Variants in GPR75 observed in about 807,000 individuals in gnomAD.
The protein encoded by GPR75 is G protein-coupled receptor 75, also known as probable G protein-coupled receptor 75.
Under a neutral mutation model 26.0 loss-of-function variants are expected in GPR75, and 27 were observed. That is an observed-to-expected ratio of 1.04 (90% CI 0.77 to 1.43). The LOEUF (loss-of-function observed/expected upper bound fraction) is 1.43. Ranked by LOEUF, GPR75 falls within the 40% of genes most tolerant of loss-of-function variation. The pLI, the probability that GPR75 is intolerant of heterozygous loss-of-function variation, is 0.00. For missense variants in GPR75, 699 were observed against 662.3 expected (o/e 1.06, Z -0.61); for synonymous variants, 285 against 256.3 (o/e 1.11, Z -1.07).
At position 53,853,557 on chromosome 2, in the gene GPR75, G is replaced by A. The variant is rs1678146303; in HGVS notation, c.1200C>T (p.Cys400=). ...CLQYIGLGFF[C]CKQKTRLRAM... is the part of the protein sequence containing the mutation. ...CTCGAAGTCGAGTCTTTTGTTTGCA[G>A]CAGAAAAAACCCAGGCCTATGTATT... The change falls in exon 2 of 2, where the codon TGC becomes TGT. Residue 400 remains cysteine (C), a synonymous_variant. Coordinates refer to ENST00000394705, the MANE Select transcript of GPR75 (RefSeq NM_006794.4). 2.5e-6 allele frequency: 4 copies of A among 1,614,006 alleles called. No homozygotes were observed. In the South Asian group the frequency reaches 3.3e-5, roughly 13 times the overall value.
Position 53,853,019 on chromosome 2 carries a change from A to C in GPR75, c.*115T>G. On this transcript the variant is annotated 3_prime_UTR_variant, in exon 2 of 2. Coordinates refer to ENST00000394705, the MANE Select transcript of GPR75 (RefSeq NM_006794.4). ...CAGATGAAAGAAAACCATAACTGCC[A>C]ACTTTTCAGTTGAATCTTGTAGGTT... 6.9e-6 allele frequency: 5 copies of C among 729,300 alleles called. No individual in the cohort carries two copies. 45.2% of individuals were successfully genotyped at this position (729,300 alleles called of 1,614,324 possible).
At chr2:53,855,772 TAACA>T (rs1322775737) in intron 1 of GPR75, among the ~76,000 whole-genome samples, 3 of 152,312 alleles carry the variant, frequency 2.0e-5, no homozygotes, top group Admixed American at 1.3e-4. Context: ...CATAAATCAT[TAACA>T]AACCCTGTTT....
At position 53,854,643 on chromosome 2, in the gene GPR75, G is replaced by A. The variant is rs766343502; in HGVS notation, c.114C>T (p.His38=). The A allele has an allele frequency of 1.2e-6, 2 of 1,614,120 alleles. No individual in the cohort carries two copies. The highest frequency in any genetic ancestry group is 1.7e-5 in the Admixed American group (1 of 60,022). The change falls in exon 2 of 2, where the codon CAC becomes CAT. Residue 38 remains histidine, a synonymous_variant. Coordinates refer to ENST00000394705, the MANE Select transcript of GPR75 (RefSeq NM_006794.4). The stretch of plus-strand genomic sequence containing the variant: ...AAGTACAGGTCACCAAGGTGGCTGT[G>A]TGGATGAGATCCTGAAGACCCTCCT... ...SLQEGLQDLI[H]TATLVTCTFL...
At chr2:53,858,143 T>C (rs116264572) in intron 1 of GPR75, among the ~76,000 whole-genome samples, 1 of 152,282 alleles carries the variant, frequency 6.6e-6, no homozygotes, top group African/African-American at 2.4e-5. Flanking sequence ...AAGCAGTTGC[T>C]CTTCCACACT....
At position 53,853,749 on chromosome 2, in the gene GPR75, T is replaced by A. The variant is rs776541164; in HGVS notation, c.1008A>T (p.Pro336=). ...IVLSVLVCCL[P]LGISLVQVVL... The stretch of plus-strand genomic sequence containing the variant: ...CCACCTGTACCAAGGAAATCCCCAG[T>A]GGAAGACAGCACACCAGGACTGACA... Residue 336 remains proline, a synonymous_variant, in exon 2 of 2, where the codon CCA becomes CCT. Transcript: ENST00000394705. 2 of 1,614,146 alleles carry A rather than the reference T, an allele frequency of 1.2e-6. No homozygotes were observed. Among genetic ancestry groups the A allele is most frequent in the Admixed American group, 3.3e-5 (2 of 60,004 alleles).
chr2:53,859,592 G>C (rs1678321168), intron 1 of GPR75, among the ~76,000 whole-genome samples: 1 of 143,250 alleles, frequency 7.0e-6, no homozygotes, highest in Non-Finnish European at 1.5e-5. Context: ...GGGTTAGGAG[G>C]GCTCAGCCAG....
At chr2:53,858,402 GACACACACAC>G (rs61090357) in intron 1 of GPR75, among the ~76,000 whole-genome samples, 8,531 of 145,108 alleles carry the variant, frequency 0.059, 422 homozygotes, top group East Asian at 0.28. Flanking sequence ...GATACAGATA[GACACACACAC>G]ACACACACAC....
chr2:53,854,984 G>A, intron 1 of GPR75, 119 bp from the exon 2 acceptor site: 2 of 500,054 alleles, frequency 4.0e-6, no homozygotes, highest in Non-Finnish European at 7.0e-6. Flanking sequence ...CACCTTGAGA[G>A]AAAAATTTAT....
intron 1 of GPR75, among the ~76,000 whole-genome samples, chr2:53,857,050 G>A (rs1025986185): frequency 1.8e-4 from 23 of 130,806 alleles, no homozygotes; most frequent in African/African-American, 5.7e-4. Context: ...TGCAAGCTCC[G>A]CTTCCCGGGT....
At chr2:53,858,400 T>TAC (rs1353627490) in intron 1 of GPR75, among the ~76,000 whole-genome samples, 19 of 85,614 alleles carry the variant, frequency 2.2e-4, no homozygotes, top group Admixed American at 6.9e-4. Context: ...TAGATACAGA[T>TAC]AGACACACAC....
intron 1 of GPR75, among the ~76,000 whole-genome samples, chr2:53,856,935 T>G (rs543864111): frequency 3.7e-4 from 54 of 144,290 alleles, no homozygotes; most frequent in African/African-American, 1.3e-3. Flanking sequence ...ACCTATATAA[T>G]GAGAAAGACA....
rs1395237026 is a variant in GPR75 at position 53,853,120 on chromosome 2, T to G, written c.*14A>C. The stretch of plus-strand genomic sequence containing the variant: ...CAAAAACTGTTTACATAAGATCCTA[T>G]AGCCTCCATGACTTTAAACGGAGGG... On this transcript the variant is annotated 3_prime_UTR_variant, in exon 2 of 2. Coordinates refer to ENST00000394705, the MANE Select transcript of GPR75 (RefSeq NM_006794.4). 2 of 1,594,938 alleles carry G rather than the reference T, an allele frequency of 1.3e-6. No homozygotes were observed. The highest frequency in any genetic ancestry group is 1.7e-6 in the Non-Finnish European group (2 of 1,165,036).
chr2:53,855,009 TGG>T (rs1678190792), intron 1 of GPR75, 144 bp from the exon 2 acceptor site: 1 of 450,954 alleles, frequency 2.2e-6, no homozygotes. Flanking sequence ...TTATTAGCAA[TGG>T]GGTCTTACCA....
chr2:53,855,872 TC>T (rs1306765744), intron 1 of GPR75, among the ~76,000 whole-genome samples: 3 of 152,118 alleles, frequency 2.0e-5, no homozygotes, highest in Non-Finnish European at 2.9e-5. Context: ...CTACATATTC[TC>T]CTTTGGAAAA....
chr2:53,858,690 T>G (rs956874055), intron 1 of GPR75, among the ~76,000 whole-genome samples: 15 of 152,114 alleles, frequency 9.9e-5, no homozygotes, highest in African/African-American at 3.6e-4. Context: ...GACCATAATT[T>G]GGAATGACAT....
At position 53,854,439 on chromosome 2, in the gene GPR75, G is replaced by C; in HGVS notation, c.318C>G (p.Phe106Leu). 1.2e-6 allele frequency: 2 copies of C among 1,614,106 alleles called. No individual in the cohort carries two copies. Among genetic ancestry groups the C allele is most frequent in the Admixed American group, 3.3e-5 (2 of 60,012 alleles). The change falls in exon 2 of 2, where the codon TTC becomes TTG. Residue 106 changes from phenylalanine to leucine, a missense_variant. Physicochemically the swap from Phe to Leu is conservative, Grantham distance 22. Coordinates refer to ENST00000394705, the MANE Select transcript of GPR75 (RefSeq NM_006794.4). Reference protein sequence around the residue: ...VTAPMFTFVLFFSSASSIPDA... With the variant: ...VTAPMFTFVLLFSSASSIPDA... ...CCGGGATACTACTGGCTGAGCTGAAGAATAACACAAAGGTGAACATGGGGG... is the reference window on the plus strand; with the variant it reads ...CCGGGATACTACTGGCTGAGCTGAACAATAACACAAAGGTGAACATGGGGG...
At chr2:53,858,533 G>T (rs908383501) in intron 1 of GPR75, among the ~76,000 whole-genome samples, 1 of 151,748 alleles carries the variant, frequency 6.6e-6, no homozygotes, top group African/African-American at 2.4e-5. Flanking sequence ...TCATGGGCTG[G>T]GAAGAGAAAA....
rs901573503 is a variant in GPR75, at chr2:53,854,076, C to G, written c.681G>C (p.Gln227His). ...VVSVSYIMIA[Q>H]TLRKNAQVRK... The stretch of plus-strand genomic sequence containing the variant: ...TGACTTGAGCGTTCTTCCGCAGGGT[C>G]TGAGCAATCATGATGTAAGAGACAG... Residue 227 changes from glutamine to histidine, a missense_variant, in exon 2 of 2, where the codon CAG becomes CAC. Gln to His is a conservative substitution (Grantham distance 24). Coordinates refer to ENST00000394705, the MANE Select transcript of GPR75 (RefSeq NM_006794.4). 1 of 1,614,022 alleles carries G rather than the reference C, an allele frequency of 6.2e-7. No individual in the cohort carries two copies. Among genetic ancestry groups the G allele is most frequent in the African/African-American group, 1.3e-5 (1 of 74,900 alleles).
At chr2:53,859,182 A>G (rs1217371334) in intron 1 of GPR75, among the ~76,000 whole-genome samples, 1 of 151,588 alleles carries the variant, frequency 6.6e-6, no homozygotes, top group African/African-American at 2.4e-5. Flanking sequence ...AAAATGTCTT[A>G]GGTTAGCATT....
Sources: gnomAD v4.1 joint callset for allele counts (sites outside exome capture counted in the v4.1 genomes callset) on GRCh38, gnomAD v4.1.1 for gene constraint, MANE v1.5 for transcripts, NCBI Gene and HGNC (gene_info 2026-07-23, HGNC 2026-07-21) for gene names.